The following NAGLU variants were observed in gnomAD, a reference collection of about 807,000 sequenced individuals.
NAGLU encodes N-acetyl-alpha-glucosaminidase, also known as alpha-N-acetylglucosaminidase.
In NAGLU, 34 loss-of-function variants were observed where a neutral mutation model predicts 43.4. That is an observed-to-expected ratio of 0.78 (90% CI 0.60 to 1.04). The LOEUF (loss-of-function observed/expected upper bound fraction) is 1.04. Ranked by LOEUF, NAGLU falls within the 50% of genes least tolerant of loss-of-function variation. The pLI is 0.00. For synonymous variants in NAGLU, 425 were observed against 437.6 expected, an observed-to-expected ratio of 0.97 and a Z score of 0.36; for missense variants, 910 against 993.7, an observed-to-expected ratio of 0.92 and a Z score of 1.13.
At chr17:42,542,316 A>G (rs2143104373) in intron 5 of NAGLU, among the ~76,000 whole-genome samples, 1 of 152,264 alleles carries the variant, frequency 6.6e-6, no homozygotes, top group Non-Finnish European at 1.5e-5. Flanking sequence ...CGCCCACTTC[A>G]GCCTCCCAAA....
chr17:42,538,810 C>A, intron 4 of NAGLU, 55 bp downstream of exon 4: 1 of 1,590,662 alleles, frequency 6.3e-7, no homozygotes, highest in South Asian at 1.1e-5. Flanking sequence ...TTATTCCCTT[C>A]TAGAACATGA....
chr17:42,543,880 C>T lies in NAGLU; in HGVS notation c.1874C>T (p.Ala625Val). Residue 625 changes from alanine to valine, a missense_variant, in exon 6 of 6, where the codon GCC (alanine) becomes GTC (valine). Transcript: ENST00000225927. ...RFLLGSWLEQ[A>V]RAAAVSEAEA... ...TTGCTGGGCAGCTGGCTAGAGCAGG[C>T]CCGAGCAGCGGCAGTCAGTGAGGCC... 1 of 1,604,566 alleles carries T rather than the reference C, an allele frequency of 6.2e-7. No homozygotes were observed. The highest frequency in any genetic ancestry group is 8.5e-7 in the Non-Finnish European group (1 of 1,175,916).
chr17:42,543,932 C>T lies in NAGLU; in HGVS notation c.1926C>T (p.Ser642=), dbSNP rs1331460595. Residue 642 remains serine (S), a synonymous_variant, in exon 6 of 6, where the codon AGC becomes AGT. Transcript: ENST00000225927. ...EAEADFYEQN[S]RYQLTLWGPE... ...AGGCCGATTTCTACGAGCAGAACAG[C>T]CGCTACCAGCTGACCTTGTGGGGGC... is the stretch of plus-strand genomic sequence containing the variant. The T allele has an allele frequency of 6.2e-7, 1 of 1,607,786 alleles. No individual in the cohort carries two copies. Among genetic ancestry groups the T allele is most frequent in the Non-Finnish European group, 8.5e-7 (1 of 1,177,176 alleles).
Position 42,537,389 on chromosome 17 carries a change from T to A in NAGLU, c.384-9T>A. On this transcript the variant is annotated splice_polypyrimidine_tract_variant and intron_variant, in intron 1 of 5. Coordinates refer to ENST00000225927, the MANE Select transcript of NAGLU (RefSeq NM_000263.4). ...TGGGATGCGCCCCTGCTCATGACAC[T>A]GCCCGCAGGTACCGCTATTACCAGA... 1 of 1,614,056 alleles carries A rather than the reference T, an allele frequency of 6.2e-7. No individual in the cohort carries two copies. The highest frequency in any genetic ancestry group is 8.5e-7 in the Non-Finnish European group (1 of 1,179,928).
Position 42,537,424 on chromosome 17 carries a change from C to T in NAGLU, c.410C>T (p.Thr137Met), listed in dbSNP as rs534663244. 3 of 1,614,172 alleles carry T rather than the reference C, an allele frequency of 1.9e-6. No homozygotes were observed. Among genetic ancestry groups the T allele is most frequent in the African/African-American group, 2.7e-5 (2 of 75,074 alleles). ...NRYRYYQNVC[T>M]QSYSFVWWDW... Reference sequence around the variant, plus strand: ...TACCGCTATTACCAGAATGTGTGCACGCAAAGCTACTCTTTCGTGTGGTGG... The same window carrying T: ...TACCGCTATTACCAGAATGTGTGCATGCAAAGCTACTCTTTCGTGTGGTGG... The change falls in exon 2 of 6, where the codon ACG (threonine) becomes ATG (methionine). Residue 137 changes from threonine to methionine, a missense_variant. By Grantham distance (81) the Thr-to-Met change is moderately conservative. Transcript: ENST00000225927.
intron 5 of NAGLU, 43 bp downstream of exon 5, chr17:42,541,249 A>G (rs1277905910): frequency 1.9e-6 from 3 of 1,606,944 alleles, no homozygotes; most frequent in Non-Finnish European, 2.5e-6. Flanking sequence ...CAGACCCTCA[A>G]AAAGAAGGGA....
chr17:42,537,275 G>A (rs904456862), intron 1 of NAGLU, 123 bp from the exon 2 acceptor site: 31 of 1,467,944 alleles, frequency 2.1e-5, no homozygotes, highest in African/African-American at 2.8e-5. Flanking sequence ...GGGTCCCAGT[G>A]TGCAGCAGAA....
At position 42,543,095 on chromosome 17, in the gene NAGLU, C is replaced by G. The variant is rs778956418; in HGVS notation, c.1089C>G (p.Pro363=). 1.9e-6 allele frequency: 3 copies of G among 1,611,782 alleles called. No homozygotes were observed. Among genetic ancestry groups the G allele is most frequent in the Non-Finnish European group, 2.5e-6 (3 of 1,180,046 alleles). Reference sequence around the variant, plus strand: ...AGCACCAGCCGCAGTTCTGGGGGCCCGCCCAGATCAGGGCTGTGCTGGGAG... The same window carrying G: ...AGCACCAGCCGCAGTTCTGGGGGCCGGCCCAGATCAGGGCTGTGCTGGGAG... ...LFQHQPQFWG[P]AQIRAVLGAV... The change falls in exon 6 of 6, where the codon CCC becomes CCG. Residue 363 remains proline (P), a synonymous_variant. Coordinates refer to ENST00000225927, the MANE Select transcript of NAGLU (RefSeq NM_000263.4).
At chr17:42,540,113 CAAAAAAAAA>C (rs571274275) in intron 4 of NAGLU, among the ~76,000 whole-genome samples, 3 of 52,232 alleles carry the variant, frequency 5.7e-5, no homozygotes, top group South Asian at 6.7e-4. Flanking sequence ...GACTCCGTCT[CAAAAAAAAA>C]AAAAAAAAAA....
At chr17:42,538,213 G>A (rs1317406607) in intron 2 of NAGLU, 126 bp from the exon 3 acceptor site, 2 of 1,438,130 alleles carry the variant, frequency 1.4e-6, no homozygotes, top group African/African-American at 2.8e-5. Flanking sequence ...CTTGATGGCA[G>A]CGTTCGGATT....
At chr17:42,541,704 G>C (rs1470477530) in intron 5 of NAGLU, among the ~76,000 whole-genome samples, 1 of 152,238 alleles carries the variant, frequency 6.6e-6, no homozygotes, top group East Asian at 1.9e-4. Context: ...CTTAAAGGAG[G>C]AGTGGAGCAG....
In NAGLU at chr17:42,543,723, A is replaced by G. The variant is rs369131160; in HGVS notation, c.1717A>G (p.Ser573Gly). 23 of 1,611,900 alleles carry G rather than the reference A, an allele frequency of 1.4e-5. No individual in the cohort carries two copies. Among genetic ancestry groups the G allele is most frequent in the Non-Finnish European group, 1.9e-5 (22 of 1,179,974 alleles). The part of the protein sequence containing the change: ...LTRQAVQELV[S>G]LYYEEARSAY... The stretch of plus-strand genomic sequence containing the variant: ...TCGGCAGGCAGTGCAGGAGCTGGTC[A>G]GCTTGTACTATGAGGAGGCAAGAAG... The change falls in exon 6 of 6, where the codon AGC (serine) becomes GGC (glycine). Residue 573 changes from serine (S) to glycine (G), a missense_variant. Physicochemically the swap from Ser to Gly is moderately conservative, Grantham distance 56. Coordinates refer to ENST00000225927, the MANE Select transcript of NAGLU (RefSeq NM_000263.4).
At chr17:42,537,355 C>T (rs1185876026) in intron 1 of NAGLU, 43 bp from the exon 2 acceptor site, 2 of 1,613,196 alleles carry the variant, frequency 1.2e-6, no homozygotes, top group South Asian at 1.1e-5. Flanking sequence ...GGCCGTGGAC[C>T]CTCCAGGGTG....
At chr17:42,542,331 T>A (rs527793168) in intron 5 of NAGLU, among the ~76,000 whole-genome samples, 1 of 152,190 alleles carries the variant, frequency 6.6e-6, no homozygotes, top group Non-Finnish European at 1.5e-5. Flanking sequence ...CCCAAAGTGC[T>A]GGGATTACAG....
At position 42,543,748 on chromosome 17, in the gene NAGLU, G is replaced by A; in HGVS notation, c.1742G>A (p.Ser581Asn). 1 of 1,611,208 alleles carries A rather than the reference G, an allele frequency of 6.2e-7. No individual in the cohort carries two copies. Residue 581 changes from serine (S) to asparagine (N), a missense_variant, in exon 6 of 6, where the codon AGC becomes AAC. Coordinates refer to ENST00000225927, the MANE Select transcript of NAGLU (RefSeq NM_000263.4). ...AGCTTGTACTATGAGGAGGCAAGAA[G>A]CGCCTACCTGAGCAAGGAGCTGGCC... ...LVSLYYEEAR[S>N]AYLSKELASL...
intron 2 of NAGLU, among the ~76,000 whole-genome samples, chr17:42,537,871 A>C (rs1423067542): frequency 2.6e-5 from 4 of 151,816 alleles, no homozygotes; most frequent in Admixed American, 1.3e-4. Flanking sequence ...AAAAAAAAAA[A>C]AAAAAAAAAC....
intron 4 of NAGLU, among the ~76,000 whole-genome samples, chr17:42,539,457 G>A (rs2092916028): frequency 6.6e-6 from 1 of 152,184 alleles, no homozygotes; most frequent in South Asian, 2.1e-4. Flanking sequence ...CCTCCTTCAG[G>A]AAGCCTTGCT....
In NAGLU at chr17:42,543,010, C is replaced by A; in HGVS notation, c.1022-18C>A. 7 of 1,599,520 alleles carry A rather than the reference C, an allele frequency of 4.4e-6. No individual in the cohort carries two copies. The highest frequency in any genetic ancestry group is 5.9e-6 in the Non-Finnish European group (7 of 1,179,956). On this transcript the variant is annotated intron_variant, in intron 5 of 5. Transcript: ENST00000225927. The stretch of plus-strand genomic sequence containing the variant: ...TTCATCACTCCTCTTCTCTGTTCCC[C>A]CTACCTCCTGTCCACAGTGGATACT...
At chr17:42,542,432 A>T (rs2092923769) in intron 5 of NAGLU, among the ~76,000 whole-genome samples, 1 of 152,164 alleles carries the variant, frequency 6.6e-6, no homozygotes, top group Non-Finnish European at 1.5e-5. Context: ...TCCTGACCTC[A>T]GGTGAACTGC....
Sources: allele counts gnomAD v4.1 joint callset (sites outside exome capture counted in the v4.1 genomes callset), GRCh38; gene constraint gnomAD v4.1.1; transcripts MANE v1.5; gene names NCBI Gene and HGNC (gene_info 2026-07-23, HGNC 2026-07-21).